Variants in ABCA8 observed in about 807,000 individuals in gnomAD.
The protein encoded by ABCA8 is ATP binding cassette subfamily A member 8.
Under a neutral mutation model 192.3 loss-of-function variants are expected in ABCA8, and 177 were observed. That is an observed-to-expected ratio of 0.92 (90% CI 0.81 to 1.04). ABCA8 has a LOEUF of 1.04. Ranked by LOEUF, ABCA8 falls within the 50% of genes least tolerant of loss-of-function variation. The probability of loss-of-function intolerance (pLI) is 0.00; values close to 1 mark genes in which losing one functional copy is unlikely to be tolerated. For synonymous variants in ABCA8, 642 were observed against 690.2 expected, an observed-to-expected ratio of 0.93 and a Z score of 1.09; for missense variants, 1,915 against 1,904.8, an observed-to-expected ratio of 1.01 and a Z score of -0.10.
At chr17:68,913,814 C>T (rs1253989623) in intron 17 of ABCA8, among the ~76,000 whole-genome samples, 4 of 151,976 alleles carry the variant, frequency 2.6e-5, no homozygotes, top group Non-Finnish European at 5.9e-5. Flanking sequence ...CAATCCTATT[C>T]AAAATTATTC....
At chr17:68,909,534 CATGTT>C (rs1260145161) in intron 17 of ABCA8, among the ~76,000 whole-genome samples, 2 of 152,058 alleles carry the variant, frequency 1.3e-5, no homozygotes, top group Admixed American at 6.5e-5. Flanking sequence ...ATTTTGAAAA[CATGTT>C]ATGTTTCCAT....
chr17:68,902,651 T>TC (rs1465794745), intron 21 of ABCA8, 62 bp downstream of exon 21: 1 of 1,330,070 alleles, frequency 7.5e-7, no homozygotes, highest in African/African-American at 1.5e-5. Flanking sequence ...CTCATGGTTA[T>TC]GTTTTCTAAG....
At chr17:68,910,069 G>C (rs2067194395) in intron 17 of ABCA8, among the ~76,000 whole-genome samples, 2 of 152,168 alleles carry the variant, frequency 1.3e-5, no homozygotes, top group Non-Finnish European at 2.9e-5. Context: ...AGGGGAGGTA[G>C]AGCAAGGTGG....
chr17:68,909,123 G>T (rs2067169646), intron 17 of ABCA8, among the ~76,000 whole-genome samples: 1 of 152,086 alleles, frequency 6.6e-6, no homozygotes, highest in Non-Finnish European at 1.5e-5. Flanking sequence ...ATTATTCCTT[G>T]GCCACTTGTA....
chr17:68,906,131 G>GCT lies in ABCA8; in HGVS notation c.2310_2311insAG (p.Leu771SerfsTer2). On this transcript the variant is annotated frameshift_variant, in exon 19 of 40. Coordinates refer to ENST00000586539, the MANE Select transcript of ABCA8 (RefSeq NM_001288985.2). LOFTEE classifies it high-confidence loss of function. ...GAAACACCATAATTCTCAATTCCTA[G>GCT]GTCAGGATAGCTATCAAGATCCTTG... is the stretch of plus-strand genomic sequence containing the variant. 6.3e-7 allele frequency: 1 copy of GCT among 1,596,958 alleles called. No homozygotes were observed. The highest frequency in any genetic ancestry group is 8.5e-7 in the Non-Finnish European group (1 of 1,172,254).
chr17:68,885,683 G>A (rs1407398226), intron 26 of ABCA8, among the ~76,000 whole-genome samples: 1 of 151,990 alleles, frequency 6.6e-6, no homozygotes, highest in Non-Finnish European at 1.5e-5. Context: ...GGATAGCTGG[G>A]ACTACAGGTG....
chr17:68,884,603 A>T (rs752639365), intron 27 of ABCA8: 1 of 1,255,578 alleles, frequency 8.0e-7, no homozygotes. Flanking sequence ...TTTATCAATT[A>T]CTAATCACCT....
chr17:68,881,315 C>A, intron 31 of ABCA8, 104 bp from the exon 32 acceptor site: 1 of 821,628 alleles, frequency 1.2e-6, no homozygotes, highest in South Asian at 1.6e-5. Flanking sequence ...TATTAGTTGT[C>A]ATTTAATTGT....
intron 24 of ABCA8, among the ~76,000 whole-genome samples, chr17:68,888,281 C>A (rs1240143288): frequency 6.6e-6 from 1 of 151,422 alleles, no homozygotes; most frequent in Non-Finnish European, 1.5e-5. Flanking sequence ...ATAAACATAC[C>A]AAATTACATG....
chr17:68,934,727 T>G (rs1056620763), intron 5 of ABCA8, among the ~76,000 whole-genome samples: 3 of 152,236 alleles, frequency 2.0e-5, no homozygotes, highest in African/African-American at 7.2e-5. Context: ...CACTTCAACT[T>G]TAAGATAAAA....
At position 68,941,947 on chromosome 17, in the gene ABCA8, A is replaced by C; in HGVS notation, c.88T>G (p.Ser30Ala). Residue 30 changes from serine to alanine, a missense_variant, in exon 3 of 40, where the codon TCC (serine) becomes GCC (alanine). Coordinates refer to ENST00000586539, the MANE Select transcript of ABCA8 (RefSeq NM_001288985.2). The part of the protein sequence containing the change: ...FLKKWRMKRE[S>A]LMEWLNSLLL... ...CGGATATTGAGTCATACCATTAAGG[A>C]CTCTCTTTTCATTCTCCATTTTTTA... is the stretch of plus-strand genomic sequence containing the variant. The C allele has an allele frequency of 6.2e-7, 1 of 1,604,560 alleles. No individual in the cohort carries two copies. Among genetic ancestry groups the C allele is most frequent in the Non-Finnish European group, 8.5e-7 (1 of 1,172,076 alleles).
intron 13 of ABCA8, among the ~76,000 whole-genome samples, chr17:68,921,155 A>C (rs2067521853): frequency 6.6e-6 from 1 of 151,982 alleles, no homozygotes; most frequent in Non-Finnish European, 1.5e-5. Flanking sequence ...AACAATGAGA[A>C]CACTTGGACA....
intron 18 of ABCA8, among the ~76,000 whole-genome samples, chr17:68,907,273 T>C (rs1355826592): frequency 6.6e-6 from 1 of 152,176 alleles, no homozygotes; most frequent in African/African-American, 2.4e-5. Context: ...CAACCACTAA[T>C]GTGGGCCCTT....
At chr17:68,916,243 T>C (rs893233664) in intron 17 of ABCA8, among the ~76,000 whole-genome samples, 1 of 148,784 alleles carries the variant, frequency 6.7e-6, no homozygotes, top group African/African-American at 2.4e-5. Context: ...GTGAATATAA[T>C]TATATTATAT....
intron 5 of ABCA8, among the ~76,000 whole-genome samples, chr17:68,933,698 G>A (rs1440700613): frequency 6.6e-6 from 1 of 152,086 alleles, no homozygotes; most frequent in African/African-American, 2.4e-5. Flanking sequence ...GGCATAATAG[G>A]CCAATGGAAG....
intron 30 of ABCA8, among the ~76,000 whole-genome samples, chr17:68,882,189 G>GT (rs1316593074): frequency 2.0e-5 from 3 of 152,104 alleles, no homozygotes; most frequent in African/African-American, 7.2e-5. Context: ...TACAAAGGCA[G>GT]TTTTTTCAGG....
At chr17:68,953,368 G>T (rs946997953) in intron 1 of ABCA8, among the ~76,000 whole-genome samples, 1 of 152,194 alleles carries the variant, frequency 6.6e-6, no homozygotes, top group Non-Finnish European at 1.5e-5. Flanking sequence ...CCATAGTGAT[G>T]AGAAGTGAAT....
In ABCA8 at chr17:68,918,050, C is replaced by A. The variant is rs117020693; in HGVS notation, c.2044G>T (p.Ala682Ser). Residue 682 changes from alanine to serine, a missense_variant, in exon 16 of 40, where the codon GCG (alanine) becomes TCG (serine). By Grantham distance (99) the Ala-to-Ser change is moderately conservative (BLOSUM62 1). Transcript: ENST00000586539. ...TQFMDEADIL[A>S]DRKVFLSQGK... ...CTTAACAGAAACCAGTGATTACCCG[C>A]CAGGATGTCGGCCTCATCCATGAAC... The A allele has an allele frequency of 6.6e-4, 1,069 of 1,613,966 alleles. 20 individuals are homozygous for A. In the East Asian group the frequency reaches 0.018, roughly 27 times the overall value.
intron 1 of ABCA8, among the ~76,000 whole-genome samples, chr17:68,953,822 C>CA (rs1299426900): frequency 6.6e-6 from 1 of 152,018 alleles, no homozygotes; most frequent in African/African-American, 2.4e-5. Flanking sequence ...CTACTCCTAC[C>CA]GGGGGTAGAG....
Sources: gnomAD v4.1 joint callset for allele counts (sites outside exome capture counted in the v4.1 genomes callset) on GRCh38, gnomAD v4.1.1 for gene constraint, MANE v1.5 for transcripts, NCBI Gene and HGNC (gene_info 2026-07-23, HGNC 2026-07-21) for gene names.